The following NR6A1 variants were observed in gnomAD, a reference collection of about 807,000 sequenced individuals.
NR6A1 encodes nuclear receptor subfamily 6 group A member 1.
NR6A1 carries 7 observed loss-of-function variants against 59.1 expected under a neutral mutation model. That is an observed-to-expected ratio of 0.12 (90% CI 0.07 to 0.22). The LOEUF (loss-of-function observed/expected upper bound fraction) is 0.22. Among genes scored for constraint, NR6A1 ranks in the 10% least tolerant of loss-of-function variants. The pLI is 1.00. For synonymous variants in NR6A1, 243 were observed against 236.1 expected (o/e 1.03, Z -0.27); for missense variants, 468 against 611.6 (o/e 0.77, Z 2.48).
chr9:124,721,529 G>A (rs1839563828), intron 2 of NR6A1, among the ~76,000 whole-genome samples: 2 of 152,134 alleles, frequency 1.3e-5, no homozygotes, highest in African/African-American at 2.4e-5. Flanking sequence ...GAGAAAAAGG[G>A]ACATAAAGGG....
chr9:124,588,726 T>A (rs895696525), intron 2 of NR6A1, among the ~76,000 whole-genome samples: 1 of 148,556 alleles, frequency 6.7e-6, no homozygotes, highest in Non-Finnish European at 1.5e-5. Context: ...GACACCATCC[T>A]GGCTAACAAC....
intron 1 of NR6A1, among the ~76,000 whole-genome samples, chr9:124,758,501 C>T (rs940247617): frequency 1.3e-5 from 2 of 152,104 alleles, no homozygotes; most frequent in African/African-American, 4.8e-5. Flanking sequence ...GAGTTTGACT[C>T]AGCAAATGAA....
intron 3 of NR6A1, among the ~76,000 whole-genome samples, chr9:124,546,496 T>C (rs1357009987): frequency 1.3e-5 from 2 of 152,228 alleles, no homozygotes; most frequent in South Asian, 2.1e-4. Context: ...GCAACTCACA[T>C]GGCAAAATGT....
intron 2 of NR6A1, among the ~76,000 whole-genome samples, chr9:124,669,330 T>C (rs1449407487): frequency 6.6e-6 from 1 of 152,230 alleles, no homozygotes; most frequent in Non-Finnish European, 1.5e-5. Context: ...GAAAATTCTA[T>C]AAATTCTTAT....
At chr9:124,570,127 C>T (rs1279047111) in intron 2 of NR6A1, among the ~76,000 whole-genome samples, 2 of 152,160 alleles carry the variant, frequency 1.3e-5, no homozygotes, top group Non-Finnish European at 2.9e-5. Flanking sequence ...ACTCTATGTT[C>T]ACCTTATCTT....
At chr9:124,621,472 C>T (rs530538532) in intron 2 of NR6A1, among the ~76,000 whole-genome samples, 2 of 129,038 alleles carry the variant, frequency 1.5e-5, no homozygotes, top group South Asian at 5.3e-4. Context: ...CACAGTGAGA[C>T]CCAATATCTT....
rs1045517939 is a variant in NR6A1, at chr9:124,598,789, C to T, written c.143-44219G>A. ...TCTAGCTTTTCCGCCACTTTTTCGG[C>T]ATGATCGCTTTTTTGCCGGATCTTT... On this transcript the variant is annotated intron_variant, in intron 2 of 9. Transcript: ENST00000487099. 6.5e-6 allele frequency: 6 copies of T among 916,868 alleles called. No homozygotes were observed. The African/African-American group carries it at 8.2e-5, about 13-fold the overall frequency. The allele number at this position is 916,868 out of a possible 1,614,324, so 56.8% of individuals were successfully genotyped here.
chr9:124,663,011 T>C (rs754674073), intron 2 of NR6A1, among the ~76,000 whole-genome samples: 2 of 152,238 alleles, frequency 1.3e-5, no homozygotes, highest in Non-Finnish European at 2.9e-5. Context: ...CTTGCTGAGA[T>C]GACAGAAGCA....
intron 2 of NR6A1, among the ~76,000 whole-genome samples, chr9:124,659,632 A>G (rs554697071): frequency 6.6e-6 from 1 of 152,282 alleles, no homozygotes; most frequent in East Asian, 1.9e-4. Flanking sequence ...TAATCTACAC[A>G]CTACTGCTTA....
chr9:124,654,767 G>A (rs1485273205), intron 2 of NR6A1, among the ~76,000 whole-genome samples: 1 of 151,882 alleles, frequency 6.6e-6, no homozygotes, highest in Non-Finnish European at 1.5e-5. Context: ...AGTACTTTGA[G>A]AATTCATTTT....
At chr9:124,598,678 G>A (rs1016366902) in intron 2 of NR6A1, 12 of 449,624 alleles carry the variant, frequency 2.7e-5, no homozygotes, top group African/African-American at 2.4e-4. Flanking sequence ...AACAAGGAAG[G>A]GAAAGAGAGG....
intron 2 of NR6A1, among the ~76,000 whole-genome samples, chr9:124,680,090 A>ATGTGTGTGTGTGTGTGTGTGTG (rs57251719): frequency 1.4e-5 from 2 of 143,164 alleles, no homozygotes; most frequent in Non-Finnish European, 3.1e-5. Flanking sequence ...GTGTGTATGT[A>ATGTGTGTGTGTGTGTGTGTGTG]TGTGTGTGTG....
intron 2 of NR6A1, among the ~76,000 whole-genome samples, chr9:124,571,060 A>G (rs1296102039): frequency 1.3e-5 from 2 of 152,224 alleles, no homozygotes; most frequent in Middle Eastern, 3.2e-3. Context: ...AACTAGCAAG[A>G]GACGATGTAG....
intron 2 of NR6A1, among the ~76,000 whole-genome samples, chr9:124,696,553 C>T (rs1424025200): frequency 8.1e-6 from 1 of 123,344 alleles, no homozygotes; most frequent in African/African-American, 3.3e-5. Context: ...GATGGAGTCT[C>T]GCTCTGTCAC....
At position 124,536,623 on chromosome 9, in the gene NR6A1, C is replaced by T. The variant is rs569072752; in HGVS notation, c.825-491G>A. Among the ~76,000 whole-genome samples, 91 of 150,830 alleles carry T rather than the reference C, an allele frequency of 6.0e-4. 1 individual carries two copies. The South Asian group carries it at 0.018, about 30-fold the overall frequency. ...GAGATTGCAGTGAGCTGAGATTGCG[C>T]TAATGCACTTCAGCCTGGGTGACAG... On this transcript the variant is annotated intron_variant, in intron 6 of 9. Coordinates refer to ENST00000487099, the MANE Select transcript of NR6A1 (RefSeq NM_033334.4).
At chr9:124,589,933 C>T (rs1331915135) in intron 2 of NR6A1, among the ~76,000 whole-genome samples, 2 of 151,544 alleles carry the variant, frequency 1.3e-5, no homozygotes, top group East Asian at 1.9e-4. Flanking sequence ...GGCGTGGTGG[C>T]GCATGCTTGC....
At chr9:124,662,175 G>A (rs981395143) in intron 2 of NR6A1, among the ~76,000 whole-genome samples, 17 of 152,124 alleles carry the variant, frequency 1.1e-4, no homozygotes, top group African/African-American at 4.1e-4. Context: ...AGATAGTACT[G>A]GAAGACAGGT....
chr9:124,696,493 T>C (rs1838766870), intron 2 of NR6A1, among the ~76,000 whole-genome samples: 1 of 146,974 alleles, frequency 6.8e-6, no homozygotes, highest in Non-Finnish European at 1.5e-5. Context: ...GAAAATAACA[T>C]CACAAATTAT....
intron 2 of NR6A1, among the ~76,000 whole-genome samples, chr9:124,697,552 G>C (rs1488010341): frequency 1.3e-5 from 2 of 151,956 alleles, no homozygotes. Flanking sequence ...TCCAAGCATA[G>C]AGAATGGATG....
Sources: allele counts gnomAD v4.1 joint callset (sites outside exome capture counted in the v4.1 genomes callset), GRCh38; gene constraint gnomAD v4.1.1; transcripts MANE v1.5; gene names NCBI Gene and HGNC (gene_info 2026-07-23, HGNC 2026-07-21).